PPFIA2: variants seen among roughly 807,000 people sequenced by gnomAD.
PPFIA2 encodes PPFI scaffold protein A2.
Under a neutral mutation model 175.5 loss-of-function variants are expected in PPFIA2, and 46 were observed. That is an observed-to-expected ratio of 0.26 (90% CI 0.21 to 0.34). PPFIA2 has a LOEUF of 0.34. Among genes scored for constraint, PPFIA2 ranks in the 10% least tolerant of loss-of-function variants. The pLI is 1.00. For synonymous variants in PPFIA2, 568 were observed against 511.4 expected, an observed-to-expected ratio of 1.11 and a Z score of -1.49; for missense variants, 1,179 against 1,506.1, an observed-to-expected ratio of 0.78 and a Z score of 3.60.
chr12:81,546,730 C>CT (rs35563177), intron 4 of PPFIA2, among the ~76,000 whole-genome samples: 2,367 of 145,682 alleles, frequency 0.016, 44 homozygotes, highest in East Asian at 0.043. Flanking sequence ...TCTCTTACCT[C>CT]TTTTTTTTTT....
intron 7 of PPFIA2, among the ~76,000 whole-genome samples, chr12:81,429,709 T>G (rs2047754088): frequency 6.6e-6 from 1 of 152,056 alleles, no homozygotes; most frequent in African/African-American, 2.4e-5. Flanking sequence ...AAAGACAACT[T>G]TAGCTCAATA....
At chr12:81,473,984 G>A (rs191045809) in intron 4 of PPFIA2, among the ~76,000 whole-genome samples, 11 of 152,220 alleles carry the variant, frequency 7.2e-5, no homozygotes, top group Non-Finnish European at 1.3e-4. Flanking sequence ...TGTGTATTCA[G>A]ATGTTCTTTC....
intron 21 of PPFIA2, among the ~76,000 whole-genome samples, chr12:81,331,252 C>T (rs941152248): frequency 1.3e-5 from 2 of 152,158 alleles, no homozygotes; most frequent in African/African-American, 4.8e-5. Flanking sequence ...CGATTGCCTA[C>T]AGTGTTCAGT....
intron 4 of PPFIA2, among the ~76,000 whole-genome samples, chr12:81,619,655 T>C (rs1272722303): frequency 6.6e-6 from 1 of 152,226 alleles, no homozygotes; most frequent in East Asian, 1.9e-4. Flanking sequence ...TTCATTATTT[T>C]TGCAAACAAA....
chr12:81,335,744 A>AAAC (rs142716386), intron 21 of PPFIA2, among the ~76,000 whole-genome samples: 71,382 of 149,228 alleles, frequency 0.48, 19,316 homozygotes, highest in Non-Finnish European at 0.62. Context: ...TTCTGTCTAA[A>AAAC]AACAACAACA....
intron 4 of PPFIA2, among the ~76,000 whole-genome samples, chr12:81,663,139 G>T (rs769607746): frequency 3.3e-5 from 5 of 152,132 alleles, no homozygotes; most frequent in Admixed American, 6.6e-5. Flanking sequence ...AAGACAGGGA[G>T]TCCCTCTCTC....
chr12:81,389,600 C>A (rs1429830522), intron 8 of PPFIA2, among the ~76,000 whole-genome samples: 2 of 151,910 alleles, frequency 1.3e-5, no homozygotes, highest in Admixed American at 1.3e-4. Flanking sequence ...TAGATTGTAT[C>A]GTGAGCTTAC....
chr12:81,466,595 G>A (rs1444743581), intron 4 of PPFIA2, among the ~76,000 whole-genome samples: 2 of 152,034 alleles, frequency 1.3e-5, no homozygotes, highest in Non-Finnish European at 2.9e-5. Flanking sequence ...ATTTCTCAAT[G>A]TATATAGAGA....
At chr12:81,577,710 A>C (rs891766724) in intron 4 of PPFIA2, among the ~76,000 whole-genome samples, 3 of 151,906 alleles carry the variant, frequency 2.0e-5, no homozygotes, top group Admixed American at 2.0e-4. Context: ...AGGTTGGTTT[A>C]GCTAGAAAGG....
intron 28 of PPFIA2, among the ~76,000 whole-genome samples, chr12:81,274,327 CTT>C (rs2039956283): frequency 6.6e-6 from 1 of 152,042 alleles, no homozygotes; most frequent in Non-Finnish European, 1.5e-5. Context: ...TTTTTCTAGA[CTT>C]AGGTTTATAT....
chr12:81,312,156 T>G, intron 22 of PPFIA2: 1 of 1,535,010 alleles, frequency 6.5e-7, no homozygotes, highest in South Asian at 1.2e-5. Context: ...GTGATTCAAC[T>G]TACCCAGATG....
intron 4 of PPFIA2, among the ~76,000 whole-genome samples, chr12:81,652,717 C>T (rs2067202091): frequency 6.6e-6 from 1 of 151,992 alleles, no homozygotes; most frequent in Admixed American, 6.6e-5. Context: ...TTCTTTCCTC[C>T]CATCTTTCTA....
chr12:81,328,531 T>C (rs1049563459), intron 21 of PPFIA2, among the ~76,000 whole-genome samples: 1 of 152,210 alleles, frequency 6.6e-6, no homozygotes, highest in South Asian at 2.1e-4. Context: ...CCCACCTATC[T>C]CTTTTAACTT....
intron 4 of PPFIA2, among the ~76,000 whole-genome samples, chr12:81,654,649 C>T (rs942595654): frequency 4.6e-5 from 7 of 151,972 alleles, no homozygotes; most frequent in African/African-American, 7.2e-5. Context: ...CAAAGGAGAC[C>T]GTAAGCTCCA....
intron 7 of PPFIA2, among the ~76,000 whole-genome samples, chr12:81,426,674 A>G (rs1465771952): frequency 6.6e-6 from 1 of 152,080 alleles, no homozygotes; most frequent in African/African-American, 2.4e-5. Flanking sequence ...TTATTTATTT[A>G]TTTATTTATT....
intron 4 of PPFIA2, among the ~76,000 whole-genome samples, chr12:81,623,231 G>A (rs994320773): frequency 4.6e-5 from 7 of 151,928 alleles, no homozygotes; most frequent in African/African-American, 9.7e-5. Flanking sequence ...AATCTTGTAC[G>A]GTCCCTCAAG....
chr12:81,449,515 G>A (rs2052024273), intron 5 of PPFIA2, among the ~76,000 whole-genome samples: 1 of 148,826 alleles, frequency 6.7e-6, no homozygotes, highest in Non-Finnish European at 1.5e-5. Flanking sequence ...AAAAAAATCT[G>A]ATTTTACAGT....
chr12:81,415,703 CAA>C (rs60269234), intron 7 of PPFIA2, among the ~76,000 whole-genome samples: 6 of 137,074 alleles, frequency 4.4e-5, no homozygotes, highest in African/African-American at 5.2e-5. Flanking sequence ...ATTCCAATAG[CAA>C]AAAAAAAAAA....
rs530944872 is a variant in PPFIA2, at chr12:81,662,729, C to G, written c.303+14062G>C. 2.0e-5 allele frequency among the ~76,000 whole-genome samples: 3 copies of G among 152,258 alleles called. No homozygotes were observed. The East Asian group carries it at 5.8e-4, about 29-fold the overall frequency. ...GGCCAGCATCATCCTGATACCAAAG[C>G]CTGGCAGAGACACAACAAAAAAAAG... On this transcript the variant is annotated intron_variant, in intron 4 of 32. Coordinates refer to ENST00000549396, the MANE Select transcript of PPFIA2 (RefSeq NM_003625.5).
Sources: gnomAD v4.1 joint callset for allele counts (sites outside exome capture counted in the v4.1 genomes callset) on GRCh38, gnomAD v4.1.1 for gene constraint, MANE v1.5 for transcripts, NCBI Gene and HGNC (gene_info 2026-07-23, HGNC 2026-07-21) for gene names.